The following CADM1 variants were observed in gnomAD, a reference collection of about 807,000 sequenced individuals.
CADM1 encodes the protein cell adhesion molecule 1.
Under a neutral mutation model 53.1 loss-of-function variants are expected in CADM1, and 15 were observed. The observed-to-expected ratio is 0.28, with a 90% CI of 0.19 to 0.44. The LOEUF is 0.44. Ranked by LOEUF, CADM1 falls within the 20% of genes least tolerant of loss-of-function variation. CADM1 has a pLI of 1.00. For synonymous variants in CADM1, 281 were observed against 243.0 expected, an observed-to-expected ratio of 1.16 and a Z score of -1.45; for missense variants, 434 against 611.3, an observed-to-expected ratio of 0.71 and a Z score of 3.06.
intron 1 of CADM1, among the ~76,000 whole-genome samples, chr11:115,357,940 T>C (rs1396471637): frequency 2.0e-5 from 3 of 152,138 alleles, no homozygotes; most frequent in Admixed American, 2.0e-4. Flanking sequence ...AGACACTAGA[T>C]AATTACTTGA....
chr11:115,204,601 G>A (rs1407308712), intron 8 of CADM1, among the ~76,000 whole-genome samples: 2 of 152,184 alleles, frequency 1.3e-5, no homozygotes, highest in Non-Finnish European at 2.9e-5. Context: ...GCTGTATTTG[G>A]AGGAAAGCTC....
chr11:115,284,087 A>ACTCTCACTCTCTCTCTCT, intron 1 of CADM1, among the ~76,000 whole-genome samples: 1 of 47,592 alleles, frequency 2.1e-5, no homozygotes, highest in East Asian at 8.7e-4. Context: ...AAGCCCAGAC[A>ACTCTCACTCTCTCTCTCT]CTCTCTCTCT....
intron 1 of CADM1, among the ~76,000 whole-genome samples, chr11:115,390,642 A>G (rs1203960730): frequency 1.3e-5 from 2 of 149,300 alleles, no homozygotes; most frequent in Non-Finnish European, 3.0e-5. Flanking sequence ...AGGTTCCCGG[A>G]GTCACCAGCA....
chr11:115,459,110 A>G (rs1462445530), intron 1 of CADM1, among the ~76,000 whole-genome samples: 1 of 152,206 alleles, frequency 6.6e-6, no homozygotes, highest in Non-Finnish European at 1.5e-5. Flanking sequence ...CACTGTGCCA[A>G]TTAAATATGT....
intron 1 of CADM1, among the ~76,000 whole-genome samples, chr11:115,443,708 A>C (rs187045482): frequency 1.3e-5 from 2 of 152,344 alleles, no homozygotes; most frequent in Admixed American, 6.5e-5. Context: ...TCATTCGAAA[A>C]ACATTTTTTG....
intron 11 of CADM1, among the ~76,000 whole-genome samples, chr11:115,177,995 A>G (rs996866028): frequency 1.3e-5 from 2 of 152,234 alleles, no homozygotes; most frequent in Admixed American, 6.5e-5. Flanking sequence ...AAGAGGGAAG[A>G]AGAGGATCAG....
At chr11:115,180,370 G>A (rs1165828273) in intron 10 of CADM1, among the ~76,000 whole-genome samples, 3 of 152,184 alleles carry the variant, frequency 2.0e-5, no homozygotes, top group Non-Finnish European at 4.4e-5. Flanking sequence ...CCAAATCAGA[G>A]GCAGCAGCAG....
At chr11:115,298,207 G>A (rs1565350833) in intron 1 of CADM1, among the ~76,000 whole-genome samples, 1 of 152,160 alleles carries the variant, frequency 6.6e-6, no homozygotes, top group Non-Finnish European at 1.5e-5. Context: ...TTATCTCCTT[G>A]TCTTGGCTTC....
intron 1 of CADM1, among the ~76,000 whole-genome samples, chr11:115,281,225 T>G (rs1943575505): frequency 6.6e-6 from 1 of 152,232 alleles, no homozygotes; most frequent in South Asian, 2.1e-4. Context: ...CAAGCTATTC[T>G]GAACAGACCT....
chr11:115,355,352 A>G (rs577644100), intron 1 of CADM1, among the ~76,000 whole-genome samples: 2 of 152,288 alleles, frequency 1.3e-5, no homozygotes, highest in Non-Finnish European at 2.9e-5. Context: ...GCAAACTAAC[A>G]CAGGAACAGA....
chr11:115,229,343 C>T (rs1591625470), intron 4 of CADM1, 72 bp from the exon 5 acceptor site: 1 of 1,385,874 alleles, frequency 7.2e-7, no homozygotes, highest in Non-Finnish European at 1.0e-6. Flanking sequence ...ATGTCCTCCC[C>T]TCTGTCCTCT....
chr11:115,451,830 G>A (rs987512529), intron 1 of CADM1, among the ~76,000 whole-genome samples: 4 of 151,994 alleles, frequency 2.6e-5, no homozygotes, highest in East Asian at 1.9e-4. Context: ...ATAAAACACC[G>A]GTGGAATTAG....
At position 115,176,202 on chromosome 11, in the gene CADM1, G is replaced by C; in HGVS notation, c.*272C>G. 8.2e-7 allele frequency: 1 copy of C among 1,218,626 alleles called. No individual in the cohort carries two copies. Among genetic ancestry groups the C allele is most frequent in the Non-Finnish European group, 1.0e-6 (1 of 964,194 alleles). 75.5% of individuals were successfully genotyped at this position (1,218,626 alleles called of 1,614,324 possible). The stretch of plus-strand genomic sequence containing the variant: ...GGCACAGAATTTTCTGCAATCTACT[G>C]AAACTAAATCCAAGTATCCAAGTTT... On this transcript the variant is annotated 3_prime_UTR_variant, in exon 12 of 12. Transcript: ENST00000331581.
chr11:115,424,676 A>G (rs938207935), intron 1 of CADM1, among the ~76,000 whole-genome samples: 1 of 151,998 alleles, frequency 6.6e-6, no homozygotes, highest in Non-Finnish European at 1.5e-5. Context: ...ACAGATGTGC[A>G]CCACCATGCC....
chr11:115,282,397 T>C (rs574222503), intron 1 of CADM1, among the ~76,000 whole-genome samples: 2 of 152,296 alleles, frequency 1.3e-5, no homozygotes, highest in East Asian at 3.9e-4. Flanking sequence ...ATGACCTAGA[T>C]ACATGATTAT....
chr11:115,417,383 TAACTTCC>T (rs1379341965), intron 1 of CADM1, among the ~76,000 whole-genome samples: 1 of 152,242 alleles, frequency 6.6e-6, no homozygotes, highest in East Asian at 1.9e-4. Flanking sequence ...CCTCAGTGGA[TAACTTCC>T]AAGACCCCCA....
At chr11:115,382,005 G>A (rs777155963) in intron 1 of CADM1, among the ~76,000 whole-genome samples, 40 of 152,064 alleles carry the variant, frequency 2.6e-4, no homozygotes, top group Non-Finnish European at 4.4e-4. Context: ...CCACCACACC[G>A]GGCTAGTTTT....
At chr11:115,423,691 C>T (rs1195744541) in intron 1 of CADM1, among the ~76,000 whole-genome samples, 1 of 152,166 alleles carries the variant, frequency 6.6e-6, no homozygotes, top group East Asian at 1.9e-4. Context: ...GAGGGGAACT[C>T]TTGAAGTTTT....
At chr11:115,328,445 T>A (rs1442410393) in intron 1 of CADM1, among the ~76,000 whole-genome samples, 1 of 151,686 alleles carries the variant, frequency 6.6e-6, no homozygotes, top group Non-Finnish European at 1.5e-5. Context: ...GCTAGTTAAG[T>A]TATACATGTC....
Sources: allele counts gnomAD v4.1 joint callset (sites outside exome capture counted in the v4.1 genomes callset), GRCh38; gene constraint gnomAD v4.1.1; transcripts MANE v1.5; gene names NCBI Gene and HGNC (gene_info 2026-07-23, HGNC 2026-07-21).